The following ZNF536 variants were observed in gnomAD, a reference collection of about 807,000 sequenced individuals.
ZNF536 encodes the protein zinc finger protein 536.
Under a neutral mutation model 84.5 loss-of-function variants are expected in ZNF536, and 13 were observed. That is an observed-to-expected ratio of 0.15 (90% confidence interval 0.10 to 0.24). The LOEUF is 0.24. Ranked by LOEUF, ZNF536 falls within the 10% of genes least tolerant of loss-of-function variation. The pLI is 1.00. For missense variants in ZNF536, 1,536 were observed against 1,747.5 expected (o/e 0.88, Z 2.16); for synonymous variants, 811 against 742.5 (o/e 1.09, Z -1.50).
chr19:30,591,421 G>A (rs1473903911), intron 1 of ZNF536, among the ~76,000 whole-genome samples: 5 of 152,196 alleles, frequency 3.3e-5, no homozygotes, highest in Non-Finnish European at 5.9e-5. Context: ...GAGAAGCAAA[G>A]GCATGTCTTC....
At chr19:30,308,763 C>G (rs1289086316) in intron 2 of ZNF536, among the ~76,000 whole-genome samples, 1 of 152,174 alleles carries the variant, frequency 6.6e-6, no homozygotes, top group Non-Finnish European at 1.5e-5. Flanking sequence ...GCACAGAGCT[C>G]TGCTTCGAGT....
chr19:30,281,805 C>T (rs979461142), intron 1 of ZNF536, among the ~76,000 whole-genome samples: 5 of 152,098 alleles, frequency 3.3e-5, no homozygotes, highest in Non-Finnish European at 5.9e-5. Flanking sequence ...TGCTTTTTGT[C>T]GCCTTTGCAA....
chr19:30,579,714 C>T (rs910714095), intron 1 of ZNF536, among the ~76,000 whole-genome samples: 19 of 152,198 alleles, frequency 1.2e-4, no homozygotes, highest in Middle Eastern at 3.2e-3. Flanking sequence ...TCTGTCCCCA[C>T]ATCCCCAAGG....
chr19:30,290,159 T>C (rs527651018), intron 2 of ZNF536, among the ~76,000 whole-genome samples: 6 of 152,360 alleles, frequency 3.9e-5, no homozygotes, highest in Non-Finnish European at 7.3e-5. Flanking sequence ...TTTTGTTTAG[T>C]CGAATGTCCT....
At chr19:30,647,796 C>A (rs1732327566) in intron 1 of ZNF536, among the ~76,000 whole-genome samples, 1 of 152,160 alleles carries the variant, frequency 6.6e-6, no homozygotes, top group African/African-American at 2.4e-5. Flanking sequence ...GCAGGGAGTG[C>A]TGACCCTTTG....
intron 1 of ZNF536, among the ~76,000 whole-genome samples, chr19:30,636,849 C>T (rs2049087391): frequency 6.6e-6 from 1 of 152,148 alleles, no homozygotes; most frequent in Non-Finnish European, 1.5e-5. Flanking sequence ...TCCCTGGCCT[C>T]ATGTTTTCCT....
intron 3 of ZNF536, among the ~76,000 whole-genome samples, chr19:30,540,791 A>G (rs1599740424): frequency 6.6e-6 from 1 of 152,380 alleles, no homozygotes; most frequent in African/African-American, 2.4e-5. Context: ...TGTCCACACC[A>G]TACCCAACAG....
intron 2 of ZNF536, among the ~76,000 whole-genome samples, chr19:30,291,065 C>T (rs1352071835): frequency 6.6e-6 from 1 of 152,192 alleles, no homozygotes; most frequent in Non-Finnish European, 1.5e-5. Flanking sequence ...ATATGCACCA[C>T]ATTTTCTTTA....
intron 2 of ZNF536, among the ~76,000 whole-genome samples, chr19:30,343,015 G>T (rs1259859746): frequency 1.3e-5 from 2 of 152,182 alleles, no homozygotes; most frequent in African/African-American, 4.8e-5. Context: ...GCCAGGTGAT[G>T]GTCTGGCTGC....
intron 2 of ZNF536, among the ~76,000 whole-genome samples, chr19:30,284,352 C>G (rs1359534990): frequency 2.0e-5 from 3 of 152,176 alleles, no homozygotes; most frequent in Admixed American, 6.5e-5. Context: ...TGAACAGGTT[C>G]CCCCATGAGG....
intron 1 of ZNF536, among the ~76,000 whole-genome samples, chr19:30,270,913 C>T (rs1325411315): frequency 6.6e-6 from 1 of 151,670 alleles, no homozygotes; most frequent in Non-Finnish European, 1.5e-5. Flanking sequence ...AAAACATTTT[C>T]CATTCTGGTT....
At chr19:30,540,916 A>G (rs1259814875) in intron 3 of ZNF536, among the ~76,000 whole-genome samples, 3 of 152,226 alleles carry the variant, frequency 2.0e-5, no homozygotes, top group Admixed American at 2.0e-4. Context: ...GACTGGCCCC[A>G]GGCCAGGCTT....
chr19:30,410,551 T>G (rs1467465422), intron 1 of ZNF536, among the ~76,000 whole-genome samples: 1 of 141,854 alleles, frequency 7.0e-6, no homozygotes, highest in Non-Finnish European at 1.5e-5. Flanking sequence ...CTCGGCTCAC[T>G]GCAAGCTCCG....
At chr19:30,513,031 A>T (rs944414461) in intron 2 of ZNF536, among the ~76,000 whole-genome samples, 1 of 151,408 alleles carries the variant, frequency 6.6e-6, no homozygotes, top group African/African-American at 2.4e-5. Context: ...ATCATATTTT[A>T]TTTTTTTTTC....
chr19:30,422,319 G>T (rs2050996552), intron 1 of ZNF536, among the ~76,000 whole-genome samples: 1 of 152,144 alleles, frequency 6.6e-6, no homozygotes. Flanking sequence ...GCATCAGAAA[G>T]ATCCCAAGAT....
At chr19:30,322,573 C>A (rs2046893603) in intron 2 of ZNF536, among the ~76,000 whole-genome samples, 1 of 152,202 alleles carries the variant, frequency 6.6e-6, no homozygotes. Flanking sequence ...CCTGGCCAGG[C>A]CCACAGGAAG....
At chr19:30,504,268 C>T (rs11668366) in intron 2 of ZNF536, among the ~76,000 whole-genome samples, 13,707 of 147,022 alleles carry the variant, frequency 0.093, 879 homozygotes, top group Non-Finnish European at 0.15. Context: ...CCTTTCCTCC[C>T]TCCCTCCCTC....
intron 2 of ZNF536, among the ~76,000 whole-genome samples, chr19:30,500,896 C>T (rs966949259): frequency 6.6e-6 from 1 of 152,224 alleles, no homozygotes; most frequent in African/African-American, 2.4e-5. Context: ...ATGCTTTCTT[C>T]GTCAGTACAA....
In ZNF536 at chr19:30,712,940, A is replaced by G. The variant is rs1177439730; in HGVS notation, c.*1939A>G. ...GCAAAGAAAAATAAAAAAAGAAAAAAAAAACATAAAAAAAAAAGAAAAAAG... is the reference window on the plus strand; with the variant it reads ...GCAAAGAAAAATAAAAAAAGAAAAAGAAAACATAAAAAAAAAAGAAAAAAG... On this transcript the variant is annotated 3_prime_UTR_variant, in exon 2 of 2. Coordinates refer to the ZNF536 transcript ENST00000592773. The G allele has an allele frequency of 2.6e-5, 4 of 152,120 alleles. No individual in the cohort carries two copies. The East Asian group carries it at 7.7e-4, about 29-fold the overall frequency. 9.4% of individuals were successfully genotyped at this position (152,120 alleles called of 1,614,324 possible).
Sources: gnomAD v4.1 joint callset for allele counts (sites outside exome capture counted in the v4.1 genomes callset) on GRCh38, gnomAD v4.1.1 for gene constraint, MANE v1.5 for transcripts, NCBI Gene and HGNC (gene_info 2026-07-23, HGNC 2026-07-21) for gene names.